Variants in LILRA1 observed in about 807,000 individuals in gnomAD.
LILRA1 encodes leukocyte immunoglobulin-like receptor subfamily A member 1.
Under a neutral mutation model 51.6 loss-of-function variants are expected in LILRA1, and 51 were observed. The observed-to-expected ratio is 0.99, with a 90% CI of 0.79 to 1.25. The LOEUF (loss-of-function observed/expected upper bound fraction) is 1.25, where lower values mean the gene tolerates loss of function less well. Among genes scored for constraint, LILRA1 ranks in the 50% most tolerant of loss-of-function variants. LILRA1 has a pLI of 0.00. For synonymous variants in LILRA1, 305 were observed against 248.4 expected (o/e 1.23, Z -2.14); for missense variants, 660 against 611.7 (o/e 1.08, Z -0.83).
rs2063161903 is a variant in LILRA1 at position 54,601,585 on chromosome 19, G to A, written c.*768G>A. On this transcript the variant is annotated 3_prime_UTR_variant, in exon 10 of 10. Coordinates refer to ENST00000251372, the MANE Select transcript of LILRA1 (RefSeq NM_006863.4). ...CTTTGACCTGTGAGCTCCTCACTTC[G>A]AGACTTCCTGCCTTTCCAGGCAGAA... 6.6e-6 allele frequency: 1 copy of A among 152,158 alleles called. No individual in the cohort carries two copies. Among genetic ancestry groups the A allele is most frequent in the Admixed American group, 6.5e-5 (1 of 15,276 alleles). The allele number at this position is 152,158 out of a possible 1,614,324, so 9.4% of individuals were successfully genotyped here.
chr19:54,600,635 C>A lies in LILRA1; in HGVS notation c.1352-64C>A, dbSNP rs548653759. On this transcript the variant is annotated intron_variant, in intron 9 of 9. Coordinates refer to ENST00000251372, the MANE Select transcript of LILRA1 (RefSeq NM_006863.4). The stretch of plus-strand genomic sequence containing the variant: ...GTAAGGAGGTGCTCTGGGTGGACAT[C>A]CAGAGGTCCTGGGTGAAGTTGATCT... The A allele has an allele frequency of 3.1e-6, 5 of 1,611,864 alleles. No individual in the cohort carries two copies. In the South Asian group the frequency reaches 5.5e-5, roughly 18 times the overall value.
Position 54,596,244 on chromosome 19 carries a change from A to C in LILRA1, c.1014A>C (p.Ser338=), listed in dbSNP as rs771853952. ...ISVHPGPTVA[S]GENVTLLCQS... Reference sequence around the variant, plus strand: ...TGCATCCGGGCCCCACGGTGGCCTCAGGAGAGAACGTGACCCTGCTGTGTC... The same window carrying C: ...TGCATCCGGGCCCCACGGTGGCCTCCGGAGAGAACGTGACCCTGCTGTGTC... The change falls in exon 7 of 10, where the codon TCA becomes TCC. Residue 338 remains serine (S), a synonymous_variant. Coordinates refer to ENST00000251372, the MANE Select transcript of LILRA1 (RefSeq NM_006863.4). The C allele has an allele frequency of 1.2e-6, 2 of 1,614,048 alleles. No homozygotes were observed. Among genetic ancestry groups the C allele is most frequent in the South Asian group, 1.1e-5 (1 of 91,078 alleles).
At position 54,595,893 on chromosome 19, in the gene LILRA1, G is replaced by T; in HGVS notation, c.916G>T (p.Glu306Ter). The change falls in exon 6 of 10, where the codon GAG (glutamate) becomes TAG (stop). Residue 306 changes from glutamate to a stop codon, truncating the protein, a stop_gained. Coordinates refer to ENST00000251372, the MANE Select transcript of LILRA1 (RefSeq NM_006863.4). LOFTEE classifies it high-confidence loss of function. ...RCSGAYNLSS[E>*]WSAPSDPLDI... The stretch of plus-strand genomic sequence containing the variant: ...CTCCGGTGCATACAACCTCTCCTCC[G>T]AGTGGTCGGCCCCCAGCGACCCCCT... 1 of 1,613,620 alleles carries T rather than the reference G, an allele frequency of 6.2e-7. No homozygotes were observed.
At chr19:54,593,808 T>C (rs1340548239) in intron 1 of LILRA1, 27 bp downstream of exon 1, 11 of 1,135,774 alleles carry the variant, frequency 9.7e-6, no homozygotes, top group Non-Finnish European at 1.2e-5. Flanking sequence ...GCTGAGCTGA[T>C]GGATGGCTGA....
intron 7 of LILRA1, among the ~76,000 whole-genome samples, chr19:54,597,547 G>A (rs1052438976): frequency 3.3e-5 from 5 of 152,120 alleles, no homozygotes; most frequent in African/African-American, 1.2e-4. Flanking sequence ...GATGTGTGAC[G>A]AGTAGAAGAG....
intron 5 of LILRA1, 107 bp downstream of exon 5, chr19:54,595,509 G>A (rs2063021283): frequency 4.5e-6 from 7 of 1,540,414 alleles, no homozygotes; most frequent in African/African-American, 4.1e-5. Flanking sequence ...TGATGTTGGG[G>A]CGAGAGGGCT....
Position 54,593,659 on chromosome 19 carries a change from A to G in LILRA1, c.-171A>G. Reference sequence around the variant, plus strand: ...ATTTCTCCTCTGTGCTCACTGCCACACGCAGCTCAACCTGAGCTACACAGC... The same window carrying G: ...ATTTCTCCTCTGTGCTCACTGCCACGCGCAGCTCAACCTGAGCTACACAGC... On this transcript the variant is annotated 5_prime_UTR_variant, in exon 1 of 10. Transcript: ENST00000251372. The G allele has an allele frequency of 2.2e-6, 1 of 450,836 alleles. No homozygotes were observed. Among genetic ancestry groups the G allele is most frequent in the Non-Finnish European group, 4.5e-6 (1 of 223,524 alleles). The allele number at this position is 450,836 out of a possible 1,614,324, so 27.9% of individuals were successfully genotyped here.
At position 54,595,199 on chromosome 19, in the gene LILRA1, G is replaced by A. The variant is rs376498504; in HGVS notation, c.458G>A (p.Ser153Asn). 2 of 1,614,016 alleles carry A rather than the reference G, an allele frequency of 1.2e-6. No individual in the cohort carries two copies. Among genetic ancestry groups the A allele is most frequent in the Non-Finnish European group, 1.7e-6 (2 of 1,180,018 alleles). ...TGTGTCTCACAGGTGGCATTTGGCA[G>A]CTTCATTCTGTGTAAGGAAGGAGAA... ...LHCVSQVAFG[S>N]FILCKEGEDE... The change falls in exon 5 of 10, where the codon AGC becomes AAC. Residue 153 changes from serine to asparagine, a missense_variant. Coordinates refer to ENST00000251372, the MANE Select transcript of LILRA1 (RefSeq NM_006863.4).
chr19:54,595,294 G>A lies in LILRA1; in HGVS notation c.553G>A (p.Gly185Ser). Residue 185 changes from glycine to serine, a missense_variant, in exon 5 of 10, where the codon GGC (glycine) becomes AGC (serine). Physicochemically the swap from Gly to Ser is moderately conservative, Grantham distance 56. Transcript: ENST00000251372. ...HGWSRAIFSV[G>S]PVSPSRRWSY... Reference sequence around the variant, plus strand: ...GTGGTCCCGGGCCATCTTCTCTGTGGGCCCCGTGAGCCCGAGTCGCAGGTG... The same window carrying A: ...GTGGTCCCGGGCCATCTTCTCTGTGAGCCCCGTGAGCCCGAGTCGCAGGTG... 6.2e-7 allele frequency: 1 copy of A among 1,614,072 alleles called. No individual in the cohort carries two copies. Among genetic ancestry groups the A allele is most frequent in the South Asian group, 1.1e-5 (1 of 91,076 alleles).
chr19:54,600,549 T>C lies in LILRA1; in HGVS notation c.1350T>C (p.Thr450=), dbSNP rs769524467. 4 of 1,614,036 alleles carry C rather than the reference T, an allele frequency of 2.5e-6. No individual in the cohort carries two copies. The East Asian group carries it at 6.7e-5, about 27-fold the overall frequency. ...ANTLSPSQNK[T]ASHPQDYTVE... is the part of the protein sequence containing the mutation. ...CCCTCAGCCCATCACAAAACAAGAC[T>C]GGTGAGTGAGGAGATGCTCTCGTTT... The change falls in exon 9 of 10, where the codon ACT becomes ACC. Residue 450 remains threonine, a splice_region_variant and synonymous_variant. Coordinates refer to ENST00000251372, the MANE Select transcript of LILRA1 (RefSeq NM_006863.4).
In LILRA1 at chr19:54,595,021, T is replaced by A. The variant is rs138019075; in HGVS notation, c.358+69T>A. On this transcript the variant is annotated intron_variant, in intron 4 of 9. Coordinates refer to ENST00000251372, the MANE Select transcript of LILRA1 (RefSeq NM_006863.4). ...GGAAGGGAGTCAGTTCTCAGGGGCA[T>A]CTCCCTCTCACAGCCCAGCCCTGGG... The A allele has an allele frequency of 3.1e-6, 5 of 1,603,108 alleles. No individual in the cohort carries two copies. In the African/African-American group the frequency reaches 6.7e-5, roughly 21 times the overall value.
intron 3 of LILRA1, 50 bp from the exon 4 acceptor site, chr19:54,594,615 A>G: frequency 6.2e-7 from 1 of 1,607,706 alleles, no homozygotes; most frequent in African/African-American, 1.3e-5. Flanking sequence ...GAGAGCTGAG[A>G]TATGTTGGGT....
rs767318277 is a variant in LILRA1, at chr19:54,595,225, G to A, written c.484G>A (p.Asp162Asn). Residue 162 changes from aspartate (D) to asparagine (N), a missense_variant, in exon 5 of 10, where the codon GAT becomes AAT. Coordinates refer to ENST00000251372, the MANE Select transcript of LILRA1 (RefSeq NM_006863.4). ...GSFILCKEGE[D>N]EHPQCLNSQP... ...CTTCATTCTGTGTAAGGAAGGAGAA[G>A]ATGAACACCCACAATGCCTGAACTC... 5.6e-6 allele frequency: 9 copies of A among 1,613,982 alleles called. No homozygotes were observed. The highest frequency in any genetic ancestry group is 5.5e-5 in the South Asian group (5 of 91,086).
chr19:54,598,985 AG>A (rs1273470147), intron 7 of LILRA1, among the ~76,000 whole-genome samples: 1 of 151,818 alleles, frequency 6.6e-6, no homozygotes, highest in African/African-American at 2.4e-5. Flanking sequence ...TAGTAGAGAC[AG>A]GGTTTCACCA....
Position 54,596,432 on chromosome 19 carries a change from T to A in LILRA1, c.1202T>A (p.Leu401His). The A allele has an allele frequency of 6.2e-7, 1 of 1,614,110 alleles. No individual in the cohort carries two copies. Among genetic ancestry groups the A allele is most frequent in the Non-Finnish European group, 8.5e-7 (1 of 1,180,012 alleles). ...HSGTYRCYGS[L>H]SSNPYLLSHP... is the part of the protein sequence containing the mutation. ...GGGACCTACAGGTGCTACGGCTCAC[T>A]CAGCTCCAACCCCTACCTGCTGTCT... Residue 401 changes from leucine to histidine, a missense_variant, in exon 7 of 10, where the codon CTC (leucine) becomes CAC (histidine). Leu to His is a moderately conservative substitution (Grantham distance 99). Transcript: ENST00000251372.
intron 7 of LILRA1, 79 bp downstream of exon 7, chr19:54,596,570 AG>A: frequency 6.3e-7 from 1 of 1,578,692 alleles, no homozygotes. Context: ...CTGGACACTA[AG>A]AAAAGAGGGG....
In LILRA1 at chr19:54,595,415, C is replaced by T. The variant is rs368739012; in HGVS notation, c.661+13C>T. The T allele has an allele frequency of 6.9e-6, 11 of 1,598,732 alleles. No homozygotes were observed. The highest frequency in any genetic ancestry group is 1.7e-4 in the Middle Eastern group (1 of 5,982). On this transcript the variant is annotated intron_variant, in intron 5 of 9. Transcript: ENST00000251372. ...CTCCTGGTCCTAGGTGAGAAATTCA[C>T]AGCATTGCCTGGAGTTCCCTGAGTC...
Position 54,596,319 on chromosome 19 carries a change from T to A in LILRA1, c.1089T>A (p.Ala363=), listed in dbSNP as rs1408144329. 3 of 1,614,118 alleles carry A rather than the reference T, an allele frequency of 1.9e-6. No homozygotes were observed. The highest frequency in any genetic ancestry group is 1.3e-5 in the African/African-American group (1 of 75,004). The change falls in exon 7 of 10, where the codon GCT becomes GCA. Residue 363 remains alanine (A), a synonymous_variant. Transcript: ENST00000251372. ...HTFLLTKAGA[A]DAPLRLRSIH... is the part of the protein sequence containing the mutation. Reference sequence around the variant, plus strand: ...TCCTTCTGACCAAGGCGGGAGCAGCTGATGCCCCCCTCCGTCTCAGATCAA... The same window carrying A: ...TCCTTCTGACCAAGGCGGGAGCAGCAGATGCCCCCCTCCGTCTCAGATCAA...
intron 4 of LILRA1, 64 bp downstream of exon 4, chr19:54,595,016 G>A (rs970636516): frequency 1.9e-6 from 3 of 1,604,120 alleles, no homozygotes; most frequent in African/African-American, 2.7e-5. Flanking sequence ...CAGTTCTCAG[G>A]GGCATCTCCC....
Sources: allele counts gnomAD v4.1 joint callset (sites outside exome capture counted in the v4.1 genomes callset), GRCh38; gene constraint gnomAD v4.1.1; transcripts MANE v1.5; gene names NCBI Gene and HGNC (gene_info 2026-07-23, HGNC 2026-07-21).